MPDZ: variants seen among roughly 807,000 people sequenced by gnomAD.
MPDZ encodes multiple PDZ domain protein.
A neutral mutation model predicts 239.1 loss-of-function variants in MPDZ; 234 were observed. That is an observed-to-expected ratio of 0.98 (90% CI 0.88 to 1.09). The LOEUF (loss-of-function observed/expected upper bound fraction) is 1.09. Among genes scored for constraint, MPDZ ranks in the 50% least tolerant of loss-of-function variants. MPDZ has a pLI of 0.00. For synonymous variants in MPDZ, 1,048 were observed against 881.3 expected, an observed-to-expected ratio of 1.19 and a Z score of -3.35; for missense variants, 3,175 against 2,510.0, an observed-to-expected ratio of 1.26 and a Z score of -5.66.
intron 25 of MPDZ, among the ~76,000 whole-genome samples, chr9:13,148,072 T>G (rs1161559699): frequency 2.0e-5 from 3 of 151,982 alleles, no homozygotes; most frequent in Non-Finnish European, 4.4e-5. Flanking sequence ...AAGTAAGGGG[T>G]GATGCCTTGT....
chr9:13,224,598 G>A lies in MPDZ; in HGVS notation c.184-15C>T, dbSNP rs1959935567. Reference sequence around the variant, plus strand: ...GCAATATTTACCTAAGAGTAATGCAGGGATTATTAAGAATTTTGACATTCC... The same window carrying A: ...GCAATATTTACCTAAGAGTAATGCAAGGATTATTAAGAATTTTGACATTCC... On this transcript the variant is annotated splice_polypyrimidine_tract_variant and intron_variant, in intron 3 of 46. Coordinates refer to ENST00000319217, the MANE Select transcript of MPDZ (RefSeq NM_001378778.1). The A allele has an allele frequency of 6.5e-7, 1 of 1,534,894 alleles. No homozygotes were observed. Among genetic ancestry groups the A allele is most frequent in the Non-Finnish European group, 8.9e-7 (1 of 1,119,704 alleles).
rs1957215954 is a variant in MPDZ, at chr9:13,208,285, A to G, written c.1291-2186T>C. Among the ~76,000 whole-genome samples, 4 of 152,024 alleles carry G rather than the reference A, an allele frequency of 2.6e-5. No homozygotes were observed. The South Asian group carries it at 8.3e-4, about 32-fold the overall frequency. On this transcript the variant is annotated intron_variant, in intron 10 of 46. Transcript: ENST00000319217. The stretch of plus-strand genomic sequence containing the variant: ...ATGCTGAAACCCTGTCTCTATAAAA[A>G]ACAGAAAAATTACCCAGGCGTATTG...
At chr9:13,144,122 A>G (rs1948123736) in intron 26 of MPDZ, among the ~76,000 whole-genome samples, 1 of 152,116 alleles carries the variant, frequency 6.6e-6, no homozygotes, top group Admixed American at 6.6e-5. Context: ...TTAAATTAAA[A>G]AAACAGTAAT....
At position 13,165,445 on chromosome 9, in the gene MPDZ, A is replaced by C. The variant is rs762161210; in HGVS notation, c.3255-2650T>G. On this transcript the variant is annotated intron_variant, in intron 22 of 46. Transcript: ENST00000319217. ...AGCATACGCCGCGGCATCTTTTTAC[A>C]ATGGTGTTAACAAATGTCAATGTCT... The C allele has an allele frequency of 7.8e-6, 12 of 1,547,616 alleles. 1 individual carries two copies. The South Asian group carries it at 1.3e-4, about 17-fold the overall frequency.
chr9:13,112,030 T>C lies in MPDZ; in HGVS notation c.5718A>G (p.Lys1906=). The C allele has an allele frequency of 6.2e-7, 1 of 1,612,318 alleles. No individual in the cohort carries two copies. The highest frequency in any genetic ancestry group is 8.5e-7 in the Non-Finnish European group (1 of 1,178,822). The change falls in exon 43 of 47, where the codon AAA becomes AAG. Residue 1906 remains lysine, a synonymous_variant. Transcript: ENST00000319217. ...GGTTGATAGTACGACTCACTCTGAG[T>C]TTTTGGGTCTGTGCTGCAACTCCAG... ...HPTGVAAQTQ[K]LRVGDRIVTI... is the part of the protein sequence containing the mutation.
chr9:13,107,394 C>A (rs902197642), intron 46 of MPDZ, among the ~76,000 whole-genome samples: 1 of 152,054 alleles, frequency 6.6e-6, no homozygotes, highest in African/African-American at 2.4e-5. Context: ...TTGGTGGGAA[C>A]ACAAATTAAT....
rs551689907 is a variant in MPDZ at position 13,188,384 on chromosome 9, C to T, written c.2364+400G>A. On this transcript the variant is annotated intron_variant, in intron 17 of 46. Transcript: ENST00000319217. ...AATACAAAAATTAGCCAGGCATGGT[C>T]GTGGCTGTAGTCCCAGCAACTCAGG... Among the ~76,000 whole-genome samples the T allele has an allele frequency of 1.7e-3, 260 of 151,886 alleles. 1 individual carries two copies. The highest frequency in any genetic ancestry group is 5.8e-3 in the African/African-American group (239 of 41,442).
rs191613253 is a variant in MPDZ, at chr9:13,130,584, C to T, written c.4464+3240G>A. Among the ~76,000 whole-genome samples the T allele has an allele frequency of 1.1e-4, 16 of 152,236 alleles. No individual in the cohort carries two copies. In the East Asian group the frequency reaches 2.9e-3, roughly 28 times the overall value. ...CAAAGTTCATCACAGGAGACAAGCT[C>T]TAGGGTCAAACATGGTTAAGTGACA... is the stretch of plus-strand genomic sequence containing the variant. On this transcript the variant is annotated intron_variant, in intron 32 of 46. Transcript: ENST00000319217.
chr9:13,227,701 C>T (rs1168778934), intron 3 of MPDZ, among the ~76,000 whole-genome samples: 1 of 151,990 alleles, frequency 6.6e-6, no homozygotes, highest in Admixed American at 6.6e-5. Context: ...TAAAATATTA[C>T]AAAATGAGAA....
intron 23 of MPDZ, 24 bp from the exon 24 acceptor site, chr9:13,158,134 G>A (rs776144893): frequency 1.3e-6 from 2 of 1,582,988 alleles, no homozygotes; most frequent in South Asian, 1.1e-5. Flanking sequence ...TACACAATGA[G>A]TACCCCAAAA....
intron 12 of MPDZ, among the ~76,000 whole-genome samples, chr9:13,196,474 A>G (rs1955663163): frequency 6.6e-6 from 1 of 152,172 alleles, no homozygotes; most frequent in Admixed American, 6.6e-5. Context: ...TAAAGTGCCC[A>G]TGTATTATCT....
intron 3 of MPDZ, among the ~76,000 whole-genome samples, chr9:13,225,648 C>T (rs1455957645): frequency 6.6e-6 from 1 of 152,088 alleles, no homozygotes; most frequent in African/African-American, 2.4e-5. Context: ...GCTACAACTG[C>T]ATACAGTACT....
chr9:13,229,316 G>A (rs1157096196), intron 3 of MPDZ, among the ~76,000 whole-genome samples: 1 of 151,968 alleles, frequency 6.6e-6, no homozygotes, highest in African/African-American at 2.4e-5. Context: ...ACAGAAGCAT[G>A]AATATCAGAA....
At chr9:13,182,962 T>C (rs1056745391) in intron 19 of MPDZ, among the ~76,000 whole-genome samples, 4 of 152,160 alleles carry the variant, frequency 2.6e-5, no homozygotes, top group African/African-American at 7.2e-5. Flanking sequence ...TCATTTTGTA[T>C]AAAAACATAT....
intron 44 of MPDZ, 46 bp from the exon 45 acceptor site, chr9:13,110,110 G>T: frequency 7.3e-7 from 1 of 1,370,590 alleles, no homozygotes; most frequent in Admixed American, 2.3e-5. Context: ...TGTTCCTGTG[G>T]CTAGGGAAAG....
rs183586061 is a variant in MPDZ at position 13,148,981 on chromosome 9, T to C, written c.3631-1323A>G. ...AGAGCAAATTATGACCATTCTTGTC[T>C]ACAAAAAAAAAAAAATCTCTTTTGC... is the stretch of plus-strand genomic sequence containing the variant. On this transcript the variant is annotated intron_variant, in intron 25 of 46. Coordinates refer to ENST00000319217, the MANE Select transcript of MPDZ (RefSeq NM_001378778.1). Among the ~76,000 whole-genome samples, 577 of 149,330 alleles carry C rather than the reference T, an allele frequency of 3.9e-3. 3 individuals are homozygous for C. The highest frequency in any genetic ancestry group is 0.013 in the African/African-American group (538 of 40,590).
At chr9:13,239,053 T>C (rs1255658411) in intron 3 of MPDZ, among the ~76,000 whole-genome samples, 1 of 152,124 alleles carries the variant, frequency 6.6e-6, no homozygotes, top group Non-Finnish European at 1.5e-5. Flanking sequence ...GACTACAAAC[T>C]GATCAGGAAA....
At chr9:13,275,227 T>C (rs1054995822) in intron 1 of MPDZ, among the ~76,000 whole-genome samples, 2 of 152,186 alleles carry the variant, frequency 1.3e-5, no homozygotes, top group Non-Finnish European at 2.9e-5. Flanking sequence ...CTAATCCCTG[T>C]ACCTCACAAT....
At chr9:13,268,304 G>GTA (rs1250470462) in intron 1 of MPDZ, among the ~76,000 whole-genome samples, 1 of 151,950 alleles carries the variant, frequency 6.6e-6, no homozygotes, top group Non-Finnish European at 1.5e-5. Flanking sequence ...TTTAGCATGT[G>GTA]TATAGAAAGA....
Sources: gnomAD v4.1 joint callset for allele counts (sites outside exome capture counted in the v4.1 genomes callset) on GRCh38, gnomAD v4.1.1 for gene constraint, MANE v1.5 for transcripts, NCBI Gene and HGNC (gene_info 2026-07-23, HGNC 2026-07-21) for gene names.